The following MARCHF8 variants were observed in gnomAD, a reference collection of about 807,000 sequenced individuals.
MARCHF8 encodes the protein membrane associated ring-CH-type finger 8, also known as E3 ubiquitin-protein ligase MARCHF8.
In MARCHF8, 40 loss-of-function variants were observed where a neutral mutation model predicts 51.6. The observed-to-expected ratio is 0.77, with a 90% CI of 0.60 to 1.01. MARCHF8 has a LOEUF of 1.01. MARCHF8 is among the 50% of genes least tolerant of loss of function. The pLI, the probability that MARCHF8 is intolerant of heterozygous loss-of-function variation, is 0.00. For missense variants in MARCHF8, 685 were observed against 708.6 expected (o/e 0.97, Z 0.38); for synonymous variants, 263 against 280.3 (o/e 0.94, Z 0.62).
At chr10:45,584,073 C>T (rs934740457) in intron 1 of MARCHF8, among the ~76,000 whole-genome samples, 4 of 117,130 alleles carry the variant, frequency 3.4e-5, no homozygotes, top group African/African-American at 1.3e-4. Flanking sequence ...TATAGTAAAA[C>T]AGGGAAGATG....
Position 45,463,191 on chromosome 10 carries a change from G to T in MARCHF8, c.1048C>A (p.Pro350Thr). The change falls in exon 5 of 8, where the codon CCC becomes ACC. Residue 350 changes from proline to threonine, a missense_variant. Physicochemically the swap from Pro to Thr is conservative, Grantham distance 38. Coordinates refer to ENST00000453424, the MANE Select transcript of MARCHF8 (RefSeq NM_001282866.2). ...GACGTGGACACGGGAGATATGGGGGGTAATTTTTCAGAGAAGGGAGAAGGA... is the reference window on the plus strand; with the variant it reads ...GACGTGGACACGGGAGATATGGGGGTTAATTTTTCAGAGAAGGGAGAAGGA... ...DCPSPFSEKLPPISPVSTSGD... is the reference protein window; with the variant it reads ...DCPSPFSEKLTPISPVSTSGD... The T allele has an allele frequency of 6.4e-7, 1 of 1,550,642 alleles. No individual in the cohort carries two copies. The highest frequency in any genetic ancestry group is 8.7e-7 in the Non-Finnish European group (1 of 1,146,998).
intron 2 of MARCHF8, among the ~76,000 whole-genome samples, chr10:45,499,331 A>T (rs919533535): frequency 6.6e-6 from 1 of 152,150 alleles, no homozygotes; most frequent in Non-Finnish European, 1.5e-5. Context: ...TATATTCTAG[A>T]TATTATCCCT....
intron 1 of MARCHF8, among the ~76,000 whole-genome samples, chr10:45,571,140 CA>C (rs1251807395): frequency 6.6e-5 from 10 of 152,076 alleles, no homozygotes. Context: ...ACGGCCAAAA[CA>C]ATCTTAAAAA....
intron 2 of MARCHF8, among the ~76,000 whole-genome samples, chr10:45,527,130 G>A (rs1277938026): frequency 6.6e-6 from 1 of 152,130 alleles, no homozygotes. Flanking sequence ...AGTGTTGACT[G>A]TAAATGGATT....
intron 1 of MARCHF8, among the ~76,000 whole-genome samples, chr10:45,550,301 G>C (rs1043240226): frequency 6.6e-6 from 1 of 152,112 alleles, no homozygotes; most frequent in African/African-American, 2.4e-5. Flanking sequence ...ATTCCTTCTA[G>C]CAATCCATAC....
intron 1 of MARCHF8, among the ~76,000 whole-genome samples, chr10:45,541,080 A>G (rs147422506): frequency 2.8e-4 from 43 of 152,344 alleles, no homozygotes; most frequent in African/African-American, 1.0e-3. Context: ...TATATACTCA[A>G]AGGATTATAA....
chr10:45,507,397 T>C (rs955641751), intron 2 of MARCHF8, among the ~76,000 whole-genome samples: 6 of 152,298 alleles, frequency 3.9e-5, no homozygotes, highest in East Asian at 3.9e-4. Context: ...CTGCAGACTA[T>C]ACAAGAAGCA....
At chr10:45,526,769 T>G (rs948578298) in intron 2 of MARCHF8, among the ~76,000 whole-genome samples, 1 of 150,048 alleles carries the variant, frequency 6.7e-6, no homozygotes, top group South Asian at 2.1e-4. Context: ...GTAGAACAAA[T>G]AGACCTAACA....
At chr10:45,577,367 G>A (rs564670199) in intron 1 of MARCHF8, among the ~76,000 whole-genome samples, 8 of 152,154 alleles carry the variant, frequency 5.3e-5, no homozygotes, top group African/African-American at 1.9e-4. Context: ...AAATAAGAGT[G>A]TAATTGGATT....
intron 2 of MARCHF8, among the ~76,000 whole-genome samples, chr10:45,510,699 C>T (rs1490155334): frequency 6.6e-6 from 1 of 152,066 alleles, no homozygotes; most frequent in Non-Finnish European, 1.5e-5. Flanking sequence ...CTTTTTTAAA[C>T]CTCATTGTGG....
intron 7 of MARCHF8, 39 bp downstream of exon 7, chr10:45,459,081 C>T (rs1273536356): frequency 1.2e-5 from 20 of 1,612,756 alleles, no homozygotes; most frequent in South Asian, 2.2e-5. Context: ...TGAGCTATCC[C>T]GGCCCCCATG....
intron 1 of MARCHF8, among the ~76,000 whole-genome samples, chr10:45,578,415 G>C (rs573992938): frequency 4.6e-5 from 7 of 152,250 alleles, no homozygotes; most frequent in African/African-American, 1.7e-4. Flanking sequence ...CACTAAATAA[G>C]AATATGTATA....
intron 1 of MARCHF8, among the ~76,000 whole-genome samples, chr10:45,592,873 G>C (rs1277905623): frequency 6.6e-6 from 1 of 152,082 alleles, no homozygotes; most frequent in Non-Finnish European, 1.5e-5. Flanking sequence ...TTTAGTACAA[G>C]TATGCTCCCA....
chr10:45,473,616 CA>C (rs2132999133), intron 3 of MARCHF8, among the ~76,000 whole-genome samples: 1 of 133,990 alleles, frequency 7.5e-6, no homozygotes, highest in African/African-American at 2.8e-5. Flanking sequence ...AGAGAGGCTC[CA>C]AAAAGTCCAG....
intron 1 of MARCHF8, among the ~76,000 whole-genome samples, chr10:45,548,589 CAAAGTT>C (rs2006863802): frequency 6.6e-6 from 1 of 152,120 alleles, no homozygotes; most frequent in African/African-American, 2.4e-5. Flanking sequence ...TGAAAACACT[CAAAGTT>C]AAGAAAAGGG....
intron 3 of MARCHF8, among the ~76,000 whole-genome samples, chr10:45,485,253 T>A (rs1356020047): frequency 6.6e-6 from 1 of 152,006 alleles, no homozygotes; most frequent in Non-Finnish European, 1.5e-5. Flanking sequence ...TGGAAAAAAA[T>A]TCATGAAAAC....
At chr10:45,538,307 C>T (rs943008807), upstream of MARCHF8, among the ~76,000 whole-genome samples, 2 of 152,104 alleles carry the variant, frequency 1.3e-5, no homozygotes, top group Admixed American at 6.6e-5. Flanking sequence ...TAAAAGAGCT[C>T]CTGAAGGAAG....
At chr10:45,558,788 A>G (rs1333967423) in intron 1 of MARCHF8, among the ~76,000 whole-genome samples, 1 of 152,264 alleles carries the variant, frequency 6.6e-6, no homozygotes, top group East Asian at 1.9e-4. Context: ...AAATGGGAGC[A>G]GAGGTACAAA....
chr10:45,560,667 T>G (rs1034893564), intron 1 of MARCHF8, among the ~76,000 whole-genome samples: 45 of 152,252 alleles, frequency 3.0e-4, no homozygotes, highest in Admixed American at 1.0e-3. Context: ...TGCATGTGAG[T>G]GCATTTTTTC....
Sources: gnomAD v4.1 joint callset for allele counts (sites outside exome capture counted in the v4.1 genomes callset) on GRCh38, gnomAD v4.1.1 for gene constraint, MANE v1.5 for transcripts, NCBI Gene and HGNC (gene_info 2026-07-23, HGNC 2026-07-21) for gene names.